Variants in SYT14 observed in about 807,000 individuals in gnomAD.
The protein encoded by SYT14 is synaptotagmin 14, also known as synaptotagmin-14.
In SYT14, 32 loss-of-function variants were observed where a neutral mutation model predicts 74.2. The ratio of observed to expected loss-of-function variants is 0.43; its 90% CI spans 0.33 to 0.58. The LOEUF (loss-of-function observed/expected upper bound fraction) is 0.58. Among genes scored for constraint, SYT14 ranks in the 20% least tolerant of loss-of-function variants. SYT14 has a pLI of 0.05. For synonymous variants in SYT14, 298 were observed against 337.7 expected (o/e 0.88, Z 1.29); for missense variants, 791 against 981.8 (o/e 0.81, Z 2.60).
At chr1:209,941,191 T>A (rs2078724523) in intron 1 of SYT14, among the ~76,000 whole-genome samples, 2 of 152,198 alleles carry the variant, frequency 1.3e-5, no homozygotes, top group South Asian at 2.1e-4. Flanking sequence ...TTATTTCTAC[T>A]AAGTAATCAT....
intron 5 of SYT14, among the ~76,000 whole-genome samples, chr1:210,046,942 A>T (rs982316612): frequency 6.6e-6 from 1 of 152,198 alleles, no homozygotes; most frequent in Non-Finnish European, 1.5e-5. Flanking sequence ...ATTCTATAAA[A>T]GAGGAAACTG....
chr1:210,105,818 C>G (rs1455435168), intron 7 of SYT14, among the ~76,000 whole-genome samples: 1 of 152,108 alleles, frequency 6.6e-6, no homozygotes, highest in Non-Finnish European at 1.5e-5. Flanking sequence ...CTCATGAGAT[C>G]TGATTGTTTA....
chr1:209,966,072 A>G (rs1240944655), intron 2 of SYT14: 5 of 382,552 alleles, frequency 1.3e-5, no homozygotes, highest in Middle Eastern at 9.3e-4. Flanking sequence ...GGGTTTCACC[A>G]TCTTGGCCAG....
chr1:209,952,261 T>C (rs1372097055), intron 1 of SYT14, among the ~76,000 whole-genome samples: 1 of 152,206 alleles, frequency 6.6e-6, no homozygotes, highest in African/African-American at 2.4e-5. Flanking sequence ...AAATTTATAA[T>C]AGTGGGTTGT....
chr1:209,982,750 T>C (rs2079508777), intron 2 of SYT14, among the ~76,000 whole-genome samples: 1 of 152,214 alleles, frequency 6.6e-6, no homozygotes, highest in African/African-American at 2.4e-5. Context: ...AAGAATATAT[T>C]TAGCTTTGTG....
At chr1:210,052,199 G>A (rs2081009215) in intron 5 of SYT14, among the ~76,000 whole-genome samples, 1 of 151,740 alleles carries the variant, frequency 6.6e-6, no homozygotes, top group Non-Finnish European at 1.5e-5. Context: ...TTTCCCCCAT[G>A]ACAAAGTGTT....
intron 2 of SYT14, among the ~76,000 whole-genome samples, chr1:209,970,675 T>TA (rs2079237240): frequency 3.0e-5 from 1 of 32,964 alleles, no homozygotes; most frequent in African/African-American, 8.4e-5. Flanking sequence ...TTTTTTTTTT[T>TA]TTTTTTTTTT....
chr1:209,990,196 C>G (rs1473812052), intron 2 of SYT14, among the ~76,000 whole-genome samples: 4 of 151,750 alleles, frequency 2.6e-5, no homozygotes, highest in African/African-American at 7.3e-5. Flanking sequence ...GTACATTTTA[C>G]AAAATATATA....
chr1:210,013,749 G>T (rs1450268433), exon 3 of SYT14: 1 of 1,612,922 alleles, frequency 6.2e-7, no homozygotes. Flanking sequence ...CGGGTTTCCA[G>T]ATCTTGGTTC....
At chr1:209,967,916 A>G (rs917490577) in intron 2 of SYT14, among the ~76,000 whole-genome samples, 1 of 152,126 alleles carries the variant, frequency 6.6e-6, no homozygotes, top group African/African-American at 2.4e-5. Flanking sequence ...AGCACATATC[A>G]TGTAATGCCC....
intron 7 of SYT14, among the ~76,000 whole-genome samples, chr1:210,121,015 G>A (rs942020739): frequency 2.6e-5 from 4 of 152,184 alleles, no homozygotes; most frequent in Non-Finnish European, 4.4e-5. Flanking sequence ...TTGGTATAAA[G>A]TTGGGAGCAT....
chr1:209,985,220 A>G (rs2079550450), intron 2 of SYT14, among the ~76,000 whole-genome samples: 1 of 152,222 alleles, frequency 6.6e-6, no homozygotes, highest in Admixed American at 6.5e-5. Flanking sequence ...AATCAAACAA[A>G]TTATTTACTC....
intron 2 of SYT14, among the ~76,000 whole-genome samples, chr1:209,970,072 A>T (rs1420923268): frequency 6.6e-6 from 1 of 152,142 alleles, no homozygotes; most frequent in Admixed American, 6.5e-5. Context: ...TAGTTGATGT[A>T]GTCCCATTTG....
chr1:210,078,744 G>A (rs779880623), intron 5 of SYT14, among the ~76,000 whole-genome samples: 5 of 141,542 alleles, frequency 3.5e-5, no homozygotes, highest in Admixed American at 7.2e-5. Context: ...TATGATATAC[G>A]TATGAATTTT....
chr1:209,946,733 AC>A (rs1330261039), intron 1 of SYT14, among the ~76,000 whole-genome samples: 1 of 152,258 alleles, frequency 6.6e-6, no homozygotes, highest in Non-Finnish European at 1.5e-5. Context: ...AGGTGGCTAC[AC>A]TAAACAACAG....
chr1:210,161,256 A>G (rs1286628944), exon 10 of SYT14: 1 of 667,424 alleles, frequency 1.5e-6, no homozygotes, highest in African/African-American at 1.8e-5. Flanking sequence ...AAACTGAGAA[A>G]CGTACACTAT....
intron 7 of SYT14, among the ~76,000 whole-genome samples, chr1:210,151,512 C>CT (rs1040354214): frequency 7.3e-6 from 1 of 137,066 alleles, no homozygotes; most frequent in Admixed American, 6.9e-5. Flanking sequence ...ATGCCCCCCC[C>CT]CTTTTTTTTT....
intron 5 of SYT14, among the ~76,000 whole-genome samples, chr1:210,030,385 C>G (rs2080505165): frequency 1.3e-5 from 2 of 152,092 alleles, no homozygotes; most frequent in African/African-American, 4.8e-5. Context: ...AACTCCTGAC[C>G]TTAAGTGATC....
intron 7 of SYT14, among the ~76,000 whole-genome samples, chr1:210,127,245 A>G (rs374703711): frequency 7.1e-4 from 108 of 152,226 alleles, no homozygotes; most frequent in African/African-American, 2.5e-3. Flanking sequence ...TGAGGTAGAC[A>G]TATTTCCCAT....
Sources: gnomAD v4.1 joint callset for allele counts (sites outside exome capture counted in the v4.1 genomes callset) on GRCh38, gnomAD v4.1.1 for gene constraint, MANE v1.5 for transcripts, NCBI Gene and HGNC (gene_info 2026-07-23, HGNC 2026-07-21) for gene names.